MIEF1: variants seen among roughly 807,000 people sequenced by gnomAD.
MIEF1 encodes the protein mitochondrial elongation factor 1, also known as mitochondrial dynamics protein MIEF1.
A neutral mutation model predicts 35.1 loss-of-function variants in MIEF1; 14 were observed. The ratio of observed to expected loss-of-function variants is 0.40; its 90% CI spans 0.26 to 0.62. MIEF1 has a LOEUF of 0.62. MIEF1 is among the 20% of genes least tolerant of loss of function. The pLI is 0.43. For synonymous variants in MIEF1, 245 were observed against 254.3 expected, an observed-to-expected ratio of 0.96 and a Z score of 0.35; for missense variants, 542 against 615.4, an observed-to-expected ratio of 0.88 and a Z score of 1.26.
upstream of MIEF1, chr22:39,501,669 G>A: frequency 6.6e-6 from 1 of 152,278 alleles, no homozygotes; most frequent in East Asian, 1.9e-4. Flanking sequence ...ACGTTTTGTT[G>A]TTGAACAGAT....
Position 39,508,949 on chromosome 22 carries a change from C to T in MIEF1, c.-7-2339C>T, listed in dbSNP as rs150608210. Among the ~76,000 whole-genome samples the T allele has an allele frequency of 2.4e-4, 36 of 151,416 alleles. No individual in the cohort carries two copies. The East Asian group carries it at 3.7e-3, about 16-fold the overall frequency. ...AAGCTAGAAATATCCACTTGTAACA[C>T]GGTATTAGAAGGAATGTTATTTTAC... On this transcript the variant is annotated intron_variant, in intron 2 of 5. Transcript: ENST00000325301.
Position 39,514,742 on chromosome 22 carries a change from C to T in MIEF1, c.*419C>T, listed in dbSNP as rs886827669. 8.0e-6 allele frequency: 2 copies of T among 248,624 alleles called. No homozygotes were observed. Among genetic ancestry groups the T allele is most frequent in the African/African-American group, 4.5e-5 (2 of 44,608 alleles). The allele number at this position is 248,624 out of a possible 1,614,324, so 15.4% of individuals were successfully genotyped here. On this transcript the variant is annotated 3_prime_UTR_variant, in exon 6 of 6. Coordinates refer to ENST00000325301, the MANE Select transcript of MIEF1 (RefSeq NM_019008.6). Reference sequence around the variant, plus strand: ...TCATGCCTTCTGTTTTGCTCTTGTCCCTGGAGCATATCTGCCTAATTAAGA... The same window carrying T: ...TCATGCCTTCTGTTTTGCTCTTGTCTCTGGAGCATATCTGCCTAATTAAGA...
upstream of MIEF1, chr22:39,500,489 T>C (rs1254812730): frequency 6.7e-6 from 1 of 149,998 alleles, no homozygotes; most frequent in Non-Finnish European, 1.5e-5. Context: ...TATGAAGAGG[T>C]CATCTGGTAT....
At chr22:39,510,465 C>T (rs564985485) in intron 2 of MIEF1, among the ~76,000 whole-genome samples, 102 of 152,090 alleles carry the variant, frequency 6.7e-4, no homozygotes, top group Non-Finnish European at 1.3e-3. Context: ...AGATGGGGGT[C>T]TTGCCATGTT....
At chr22:39,506,640 T>G (rs1003496674) in intron 2 of MIEF1, among the ~76,000 whole-genome samples, 1 of 152,250 alleles carries the variant, frequency 6.6e-6, no homozygotes, top group African/African-American at 2.4e-5. Context: ...CTTTTTCAAT[T>G]AAAATAAGTT....
chr22:39,510,140 T>C (rs1930257771), intron 2 of MIEF1, among the ~76,000 whole-genome samples: 2 of 152,312 alleles, frequency 1.3e-5, no homozygotes, highest in African/African-American at 4.8e-5. Context: ...ATATTTTTAG[T>C]AGTGACGGGG....
rs529944423 is a variant in MIEF1, at chr22:39,517,432, G to A, written c.*3109G>A. 1.1e-4 allele frequency: 42 copies of A among 382,612 alleles called. No homozygotes were observed. Among genetic ancestry groups the A allele is most frequent in the African/African-American group, 8.3e-4 (39 of 47,216 alleles). The allele number at this position is 382,612 out of a possible 1,614,324, so 23.7% of individuals were successfully genotyped here. ...GAGGCCCACGGTCTCCTGGGTCCCG[G>A]CCACCTGTCCATATTCCACATTTGC... On this transcript the variant is annotated 3_prime_UTR_variant, in exon 6 of 6. Coordinates refer to ENST00000325301, the MANE Select transcript of MIEF1 (RefSeq NM_019008.6).
chr22:39,514,445 C>G lies in MIEF1; in HGVS notation c.*122C>G. 1.1e-6 allele frequency: 1 copy of G among 882,774 alleles called. No homozygotes were observed. The highest frequency in any genetic ancestry group is 1.8e-6 in the Non-Finnish European group (1 of 567,542). The allele number at this position is 882,774 out of a possible 1,614,324, so 54.7% of individuals were successfully genotyped here. A position where few individuals can be genotyped will look rare whatever the true frequency, so the allele number is the denominator to read the frequency against. ...GCCTGGTGTCTTGCTGATCATCACC[C>G]TGGTCACTTCATGCTGATTAGAATG... On this transcript the variant is annotated 3_prime_UTR_variant, in exon 6 of 6. Coordinates refer to ENST00000325301, the MANE Select transcript of MIEF1 (RefSeq NM_019008.6).
Position 39,510,765 on chromosome 22 carries a change from G to T in MIEF1, c.-7-523G>T, listed in dbSNP as rs138493981. 4.3e-4 allele frequency among the ~76,000 whole-genome samples: 66 copies of T among 152,274 alleles called. 4 individuals carry two copies. In the East Asian group the frequency reaches 0.013, roughly 29 times the overall value. ...TAGAGAGACCTGCTTTATAACCTCT[G>T]TGAAGGGGTAGAGAGACCTGCATTA... On this transcript the variant is annotated intron_variant, in intron 2 of 5. Transcript: ENST00000325301.
chr22:39,500,178 G>C (rs1002431831), upstream of MIEF1: 1 of 152,196 alleles, frequency 6.6e-6, no homozygotes, highest in Admixed American at 6.6e-5. Flanking sequence ...AATGCCTCTT[G>C]CCCTGTGAAA....
rs186701806 is a variant in MIEF1 at position 39,506,073 on chromosome 22, G to C, written c.-8+1539G>C. On this transcript the variant is annotated intron_variant, in intron 2 of 5. Coordinates refer to ENST00000325301, the MANE Select transcript of MIEF1 (RefSeq NM_019008.6). ...GTCTGCACAGGGAGGGTTGGCTAGC[G>C]GATCTAGGAGGGAATTAGGGCGTTC... Among the ~76,000 whole-genome samples, 44 of 152,298 alleles carry C rather than the reference G, an allele frequency of 2.9e-4. No homozygotes were observed. The East Asian group carries it at 8.3e-3, about 29-fold the overall frequency.
Position 39,504,381 on chromosome 22 carries a change from C to G in MIEF1, c.-161C>G, listed in dbSNP as rs754991616. The G allele has an allele frequency of 5.0e-6, 2 of 398,842 alleles. No homozygotes were observed. The highest frequency in any genetic ancestry group is 4.1e-5 in the African/African-American group (2 of 48,556). 24.7% of individuals were successfully genotyped at this position (398,842 alleles called of 1,614,324 possible). A position where few individuals can be genotyped will look rare whatever the true frequency, so the allele number is the denominator to read the frequency against. On this transcript the variant is annotated 5_prime_UTR_variant, in exon 2 of 6. Transcript: ENST00000325301. ...TCAGAAGCTAGAGGACGCTGAGGCC[C>G]GGGAGAGGCAGCTGGAGAAGGGCCT...
At chr22:39,511,767 A>C in intron 3 of MIEF1, 82 bp from the exon 4 acceptor site, 1 of 1,490,826 alleles carries the variant, frequency 6.7e-7, no homozygotes, top group Non-Finnish European at 9.0e-7. Context: ...TTACTAGGAC[A>C]GAGCTTCTGG....
intron 2 of MIEF1, among the ~76,000 whole-genome samples, chr22:39,510,462 G>A (rs958132116): frequency 6.6e-6 from 1 of 152,070 alleles, no homozygotes; most frequent in Non-Finnish European, 1.5e-5. Context: ...TGGAGATGGG[G>A]GTCTTGCCAT....
Position 39,515,537 on chromosome 22 carries a change from T to C in MIEF1, c.*1214T>C, listed in dbSNP as rs1307523656. The C allele has an allele frequency of 1.9e-5, 11 of 590,472 alleles. No homozygotes were observed. The highest frequency in any genetic ancestry group is 3.0e-5 in the Non-Finnish European group (10 of 331,386). 36.6% of individuals were successfully genotyped at this position (590,472 alleles called of 1,614,324 possible). A position where few individuals can be genotyped will look rare whatever the true frequency, so the allele number is the denominator to read the frequency against. ...CCTGTCCTGTTTCTCACCCAGCACC[T>C]GGGGAGATCGGTGCTACCAAGGAAG... On this transcript the variant is annotated 3_prime_UTR_variant, in exon 6 of 6. Coordinates refer to ENST00000325301, the MANE Select transcript of MIEF1 (RefSeq NM_019008.6).
intron 2 of MIEF1, 99 bp downstream of exon 2, chr22:39,504,633 G>A: frequency 2.7e-6 from 1 of 369,544 alleles, no homozygotes; most frequent in East Asian, 3.9e-5. Flanking sequence ...AATCAGTGCA[G>A]AGCCAGGTGC....
At position 39,514,341 on chromosome 22, in the gene MIEF1, G is replaced by A. The variant is rs774289422; in HGVS notation, c.*18G>A. 23 of 1,609,340 alleles carry A rather than the reference G, an allele frequency of 1.4e-5. No individual in the cohort carries two copies. The highest frequency in any genetic ancestry group is 1.9e-5 in the Non-Finnish European group (22 of 1,177,216). Reference sequence around the variant, plus strand: ...AGACGTAGGGCAGGTGAAGGCCAAAGCGGGTGTTGGTGGTCAGGCCCTGGA... The same window carrying A: ...AGACGTAGGGCAGGTGAAGGCCAAAACGGGTGTTGGTGGTCAGGCCCTGGA... On this transcript the variant is annotated 3_prime_UTR_variant, in exon 6 of 6. Transcript: ENST00000325301.
chr22:39,509,925 G>GT (rs1200194507), intron 2 of MIEF1, among the ~76,000 whole-genome samples: 1 of 152,178 alleles, frequency 6.6e-6, no homozygotes, highest in Non-Finnish European at 1.5e-5. Flanking sequence ...CATACAAGGA[G>GT]TGGGGAGTCC....
chr22:39,514,123 G>T lies in MIEF1; in HGVS notation c.1192G>T (p.Asp398Tyr), dbSNP rs751342205. Reference protein sequence around the residue: ...VILHLAQEEADWSPDMLADRF... With the variant: ...VILHLAQEEAYWSPDMLADRF... ...CCTCCACTTGGCCCAGGAGGAGGCTGACTGGTCTCCGGATATGCTGGCCGA... is the reference window on the plus strand; with the variant it reads ...CCTCCACTTGGCCCAGGAGGAGGCTTACTGGTCTCCGGATATGCTGGCCGA... Residue 398 changes from aspartate to tyrosine, a missense_variant, in exon 6 of 6, where the codon GAC becomes TAC. Transcript: ENST00000325301. 115 of 1,614,088 alleles carry T rather than the reference G, an allele frequency of 7.1e-5. No individual in the cohort carries two copies. Among genetic ancestry groups the T allele is most frequent in the Non-Finnish European group, 9.2e-5 (109 of 1,180,056 alleles).
Sources: allele counts gnomAD v4.1 joint callset (sites outside exome capture counted in the v4.1 genomes callset), GRCh38; gene constraint gnomAD v4.1.1; transcripts MANE v1.5; gene names NCBI Gene and HGNC (gene_info 2026-07-23, HGNC 2026-07-21).